PLCH1: variants seen among roughly 807,000 people sequenced by gnomAD.
PLCH1 encodes 1-phosphatidylinositol 4,5-bisphosphate phosphodiesterase eta-1.
A neutral mutation model predicts 126.7 loss-of-function variants in PLCH1; 60 were observed. The observed-to-expected ratio is 0.47, with a 90% CI of 0.38 to 0.59. The LOEUF (loss-of-function observed/expected upper bound fraction) is 0.59. Ranked by LOEUF, PLCH1 falls within the 20% of genes least tolerant of loss-of-function variation. PLCH1 has a pLI of 0.00. For synonymous variants in PLCH1, 719 were observed against 734.9 expected, an observed-to-expected ratio of 0.98 and a Z score of 0.35; for missense variants, 1,723 against 2,040.0, an observed-to-expected ratio of 0.84 and a Z score of 2.99.
chr3:155,490,876 G>A lies in PLCH1; in HGVS notation c.2308-8C>T. ...AACAAAAGGGTCAATGATCTATTAAGTAAAGAGAAAGTACTATTACAAATA... is the reference window on the plus strand; with the variant it reads ...AACAAAAGGGTCAATGATCTATTAAATAAAGAGAAAGTACTATTACAAATA... On this transcript the variant is annotated splice_region_variant and splice_polypyrimidine_tract_variant and intron_variant, in intron 18 of 22. Coordinates refer to ENST00000460012, the MANE Select transcript of PLCH1 (RefSeq NM_014996.4). 3 of 1,433,156 alleles carry A rather than the reference G, an allele frequency of 2.1e-6. No individual in the cohort carries two copies. The highest frequency in any genetic ancestry group is 2.0e-6 in the Non-Finnish European group (2 of 1,016,944). The allele number at this position is 1,433,156 out of a possible 1,614,324, so 88.8% of individuals were successfully genotyped here. A position where few individuals can be genotyped will look rare whatever the true frequency, so the allele number is the denominator to read the frequency against.
intron 2 of PLCH1, among the ~76,000 whole-genome samples, chr3:155,602,628 C>A (rs937032893): frequency 6.6e-6 from 1 of 152,124 alleles, no homozygotes; most frequent in Admixed American, 6.5e-5. Context: ...CAAACCTGTA[C>A]AACATGCTAC....
At chr3:155,599,570 G>A (rs1733456423) in intron 2 of PLCH1, among the ~76,000 whole-genome samples, 1 of 152,166 alleles carries the variant, frequency 6.6e-6, no homozygotes, top group Non-Finnish European at 1.5e-5. Flanking sequence ...CTGTTCAAAG[G>A]ATTGGCTGGC....
chr3:155,676,257 G>A, intron 2 of PLCH1: 2 of 1,214,608 alleles, frequency 1.6e-6, no homozygotes, highest in Non-Finnish European at 2.1e-6. Context: ...CATGAGATAT[G>A]ATTATAGAAC....
chr3:155,527,919 CA>C (rs138092904), intron 10 of PLCH1, among the ~76,000 whole-genome samples: 35 of 87,168 alleles, frequency 4.0e-4, no homozygotes, highest in East Asian at 1.3e-3. Context: ...CACTCCGTTT[CA>C]AAAAAAAAAA....
chr3:155,709,815 A>G (rs1179420750), intron 1 of PLCH1, among the ~76,000 whole-genome samples: 1 of 152,126 alleles, frequency 6.6e-6, no homozygotes, highest in Non-Finnish European at 1.5e-5. Flanking sequence ...ACAGGGTCCC[A>G]TTACGTTGCC....
chr3:155,454,571 A>C (rs537526591), intron 21 of PLCH1, among the ~76,000 whole-genome samples: 1 of 152,354 alleles, frequency 6.6e-6, no homozygotes, highest in Non-Finnish European at 1.5e-5. Context: ...TTGACTTGGC[A>C]TGGGTCTGAT....
At chr3:155,588,182 A>G (rs545347315) in intron 4 of PLCH1, among the ~76,000 whole-genome samples, 1 of 152,302 alleles carries the variant, frequency 6.6e-6, no homozygotes, top group South Asian at 2.1e-4. Context: ...CATATTTTGT[A>G]AATACCTTAT....
At chr3:155,470,656 A>C (rs940627347) in intron 21 of PLCH1, among the ~76,000 whole-genome samples, 1 of 152,188 alleles carries the variant, frequency 6.6e-6, no homozygotes, top group Non-Finnish European at 1.5e-5. Context: ...GAAGGAAAAA[A>C]TGTTAAGGGC....
chr3:155,543,660 G>C lies in PLCH1; in HGVS notation c.1362+6127C>G, dbSNP rs1310601152. Among the ~76,000 whole-genome samples the C allele has an allele frequency of 8.5e-5, 13 of 152,192 alleles. 1 individual carries two copies. Among genetic ancestry groups the C allele is most frequent in the African/African-American group, 3.1e-4 (13 of 41,500 alleles). On this transcript the variant is annotated intron_variant, in intron 10 of 22. Coordinates refer to ENST00000460012, the MANE Select transcript of PLCH1 (RefSeq NM_014996.4). ...AGAGAAAGGTCGGGTTACCCACAAAGGGAAGCCCATCAGACTAACAGCGGA... is the reference window on the plus strand; with the variant it reads ...AGAGAAAGGTCGGGTTACCCACAAACGGAAGCCCATCAGACTAACAGCGGA...
At chr3:155,484,397 C>T (rs1576791175) in intron 22 of PLCH1, among the ~76,000 whole-genome samples, 1 of 152,118 alleles carries the variant, frequency 6.6e-6, no homozygotes, top group Admixed American at 6.6e-5. Context: ...TGTTCTTTTT[C>T]TCCTTCAAAT....
At chr3:155,678,380 T>A (rs1744261032) in intron 2 of PLCH1, among the ~76,000 whole-genome samples, 1 of 152,166 alleles carries the variant, frequency 6.6e-6, no homozygotes, top group African/African-American at 2.4e-5. Context: ...ATAGGGCAGG[T>A]GGGCAAGCTT....
At chr3:155,475,771 C>A (rs1713519212), downstream of PLCH1, among the ~76,000 whole-genome samples, 1 of 151,776 alleles carries the variant, frequency 6.6e-6, no homozygotes, top group African/African-American at 2.4e-5. Context: ...AGGAAGAAAT[C>A]CAAAACCCAA....
At chr3:155,738,823 C>T (rs926620691) in intron 1 of PLCH1, among the ~76,000 whole-genome samples, 6 of 151,674 alleles carry the variant, frequency 4.0e-5, no homozygotes, top group Non-Finnish European at 7.4e-5. Context: ...TGGTGGCACA[C>T]GCCCGTAGTC....
At chr3:155,740,416 A>G (rs1749532903) in intron 1 of PLCH1, among the ~76,000 whole-genome samples, 1 of 151,992 alleles carries the variant, frequency 6.6e-6, no homozygotes, top group Non-Finnish European at 1.5e-5. Context: ...CAAAAAAAAA[A>G]AAAAAAAAGA....
intron 2 of PLCH1, among the ~76,000 whole-genome samples, chr3:155,685,707 T>C (rs1744881470): frequency 6.6e-6 from 1 of 152,180 alleles, no homozygotes; most frequent in African/African-American, 2.4e-5. Context: ...GATGCAAAAG[T>C]TCCTAGCCCA....
chr3:155,699,642 C>T (rs1045121767), intron 2 of PLCH1, among the ~76,000 whole-genome samples: 2 of 152,190 alleles, frequency 1.3e-5, no homozygotes, highest in East Asian at 1.9e-4. Context: ...TAATTTCATT[C>T]TCCTTGCATA....
chr3:155,499,241 G>A (rs1175686526), intron 14 of PLCH1, among the ~76,000 whole-genome samples: 1 of 152,156 alleles, frequency 6.6e-6, no homozygotes, highest in African/African-American at 2.4e-5. Flanking sequence ...TCGATAGTTA[G>A]ATGTTCCCCT....
chr3:155,474,799 C>G (rs13073436), intron 21 of PLCH1, among the ~76,000 whole-genome samples: 1 of 97,268 alleles, frequency 1.0e-5, no homozygotes, highest in African/African-American at 6.4e-5. Context: ...AAATTGGAAA[C>G]CATCATTCTC....
intron 2 of PLCH1, among the ~76,000 whole-genome samples, chr3:155,699,179 G>T (rs952730943): frequency 6.6e-6 from 1 of 151,486 alleles, no homozygotes; most frequent in Non-Finnish European, 1.5e-5. Context: ...AGGTTCAAAC[G>T]ACTCTCTTGC....
Sources: allele counts gnomAD v4.1 joint callset (sites outside exome capture counted in the v4.1 genomes callset), GRCh38; gene constraint gnomAD v4.1.1; transcripts MANE v1.5; gene names NCBI Gene and HGNC (gene_info 2026-07-23, HGNC 2026-07-21).